The following SLIT2 variants were observed in gnomAD, a reference collection of about 807,000 sequenced individuals.
SLIT2 encodes slit guidance ligand 2, also known as slit homolog 2 protein.
In SLIT2, 41 loss-of-function variants were observed where a neutral mutation model predicts 185.7. That is an observed-to-expected ratio of 0.22 (90% CI 0.17 to 0.29). The LOEUF is 0.29. SLIT2 is among the 10% of genes least tolerant of loss of function. SLIT2 has a pLI of 1.00. For synonymous variants in SLIT2, 693 were observed against 680.2 expected (o/e 1.02, Z -0.29); for missense variants, 1,571 against 1,909.0 (o/e 0.82, Z 3.30).
At chr4:20,370,713 C>G (rs1311084331) in intron 4 of SLIT2, among the ~76,000 whole-genome samples, 1 of 152,082 alleles carries the variant, frequency 6.6e-6, no homozygotes, top group Admixed American at 6.6e-5. Flanking sequence ...CTATAAAGTA[C>G]TGATTTGGAA....
At chr4:20,577,518 C>G (rs544470269) in intron 29 of SLIT2, among the ~76,000 whole-genome samples, 2 of 152,316 alleles carry the variant, frequency 1.3e-5, no homozygotes, top group South Asian at 4.1e-4. Flanking sequence ...GCTAATGTAT[C>G]TTACTGGGCA....
chr4:20,360,363 C>A (rs972700390), intron 4 of SLIT2, among the ~76,000 whole-genome samples: 1 of 152,148 alleles, frequency 6.6e-6, no homozygotes, highest in Non-Finnish European at 1.5e-5. Context: ...CCCCTAGGAA[C>A]TTCTAAATGG....
chr4:20,395,875 A>T (rs1560386065), intron 4 of SLIT2, among the ~76,000 whole-genome samples: 2 of 151,966 alleles, frequency 1.3e-5, no homozygotes, highest in African/African-American at 4.8e-5. Context: ...CAAGCAATTT[A>T]TTATGTGATG....
chr4:20,508,694 A>G (rs1719428252), intron 9 of SLIT2, among the ~76,000 whole-genome samples: 1 of 152,126 alleles, frequency 6.6e-6, no homozygotes, highest in African/African-American at 2.4e-5. Flanking sequence ...TGATCTGAGT[A>G]GGGCATTATG....
chr4:20,349,940 A>G (rs1313213730), intron 4 of SLIT2, among the ~76,000 whole-genome samples: 1 of 152,164 alleles, frequency 6.6e-6, no homozygotes, highest in African/African-American at 2.4e-5. Flanking sequence ...GCACTGTTTT[A>G]TTTTTTGATC....
chr4:20,441,851 A>G (rs1354516615), intron 4 of SLIT2, among the ~76,000 whole-genome samples: 2 of 152,198 alleles, frequency 1.3e-5, no homozygotes, highest in Admixed American at 1.3e-4. Context: ...TATGAGGTCT[A>G]TAAAGTATTT....
At chr4:20,352,465 CA>C (rs1456705832) in intron 4 of SLIT2, among the ~76,000 whole-genome samples, 1 of 152,244 alleles carries the variant, frequency 6.6e-6, no homozygotes, top group Admixed American at 6.5e-5. Context: ...AACTACTAAT[CA>C]CTAAGGCTAG....
intron 9 of SLIT2, among the ~76,000 whole-genome samples, chr4:20,499,619 G>A (rs997025522): frequency 1.3e-5 from 2 of 152,070 alleles, no homozygotes; most frequent in Non-Finnish European, 2.9e-5. Flanking sequence ...CTCCTGAGTA[G>A]CTGGGACTAC....
intron 4 of SLIT2, among the ~76,000 whole-genome samples, chr4:20,461,008 A>C (rs1713645289): frequency 6.6e-6 from 1 of 152,228 alleles, no homozygotes; most frequent in African/African-American, 2.4e-5. Flanking sequence ...AACAATTCTA[A>C]GATATATTTA....
chr4:20,566,553 C>A (rs139737779), intron 26 of SLIT2, among the ~76,000 whole-genome samples: 1 of 152,110 alleles, frequency 6.6e-6, no homozygotes, highest in African/African-American at 2.4e-5. Context: ...AGATGTCTCC[C>A]AAAACATGAT....
intron 4 of SLIT2, among the ~76,000 whole-genome samples, chr4:20,282,238 A>G (rs1714845271): frequency 6.6e-6 from 1 of 152,214 alleles, no homozygotes; most frequent in South Asian, 2.1e-4. Context: ...AAAAAGAGAA[A>G]AGTGGTTTAA....
intron 4 of SLIT2, among the ~76,000 whole-genome samples, chr4:20,439,311 T>C (rs1235031282): frequency 6.6e-6 from 1 of 152,198 alleles, no homozygotes; most frequent in Non-Finnish European, 1.5e-5. Flanking sequence ...AAGAAATTTA[T>C]TGTCTCACAG....
chr4:20,271,346 A>G (rs1001328281), intron 4 of SLIT2, among the ~76,000 whole-genome samples: 5 of 148,652 alleles, frequency 3.4e-5, no homozygotes, highest in African/African-American at 4.9e-5. Context: ...AAAACAATAT[A>G]TAAGTATTCT....
chr4:20,278,876 C>T (rs1001660873), intron 4 of SLIT2, among the ~76,000 whole-genome samples: 4 of 151,928 alleles, frequency 2.6e-5, no homozygotes, highest in South Asian at 2.1e-4. Flanking sequence ...GCTTAAGAAA[C>T]GTACAGAAGA....
At chr4:20,263,523 G>C (rs1712718032) in intron 3 of SLIT2, among the ~76,000 whole-genome samples, 5 of 151,804 alleles carry the variant, frequency 3.3e-5, no homozygotes, top group Admixed American at 2.0e-4. Context: ...CTGATGCTTG[G>C]TGTCTCATGG....
chr4:20,530,192 C>A lies in SLIT2; in HGVS notation c.1613+1093C>A, dbSNP rs61496229. Among the ~76,000 whole-genome samples the A allele has an allele frequency of 7.9e-3, 1,195 of 151,554 alleles. 20 individuals carry two copies. Among genetic ancestry groups the A allele is most frequent in the African/African-American group, 0.028 (1,139 of 41,296 alleles). Reference sequence around the variant, plus strand: ...GAGTCCATGCAACCAAGGCCCTGAACTTTATTTTTTATAGACATATAGGGA... The same window carrying A: ...GAGTCCATGCAACCAAGGCCCTGAAATTTATTTTTTATAGACATATAGGGA... On this transcript the variant is annotated intron_variant, in intron 16 of 36. Coordinates refer to ENST00000504154, the MANE Select transcript of SLIT2 (RefSeq NM_004787.4).
intron 4 of SLIT2, among the ~76,000 whole-genome samples, chr4:20,353,982 A>G (rs183230361): frequency 1.6e-3 from 251 of 152,328 alleles, no homozygotes; most frequent in Admixed American, 0.014. Context: ...CTTAAAAGTA[A>G]TCATGTTCAT....
chr4:20,345,776 C>T (rs148319753), intron 4 of SLIT2, among the ~76,000 whole-genome samples: 9 of 152,018 alleles, frequency 5.9e-5, no homozygotes, highest in African/African-American at 2.2e-4. Flanking sequence ...CCTCATGATC[C>T]ACCCACCTCG....
intron 32 of SLIT2, among the ~76,000 whole-genome samples, 163 bp from the exon 33 acceptor site, chr4:20,598,101 GA>G (rs1245896941): frequency 6.6e-6 from 1 of 152,104 alleles, no homozygotes; most frequent in Non-Finnish European, 1.5e-5. Context: ...AGCAATTTAA[GA>G]ACAAGTCACC....
Sources: allele counts gnomAD v4.1 joint callset (sites outside exome capture counted in the v4.1 genomes callset), GRCh38; gene constraint gnomAD v4.1.1; transcripts MANE v1.5; gene names NCBI Gene and HGNC (gene_info 2026-07-23, HGNC 2026-07-21).